MRAP2: variants seen among roughly 807,000 people sequenced by gnomAD.
The protein encoded by MRAP2 is melanocortin 2 receptor accessory protein 2.
MRAP2 carries 20 observed loss-of-function variants against 17.4 expected under a neutral mutation model. The ratio of observed to expected loss-of-function variants is 1.15; its 90% CI spans 0.81 to 1.67. MRAP2 has a LOEUF of 1.67. Ranked by LOEUF, MRAP2 falls within the 40% of genes most tolerant of loss-of-function variation. The pLI is 0.00. For synonymous variants in MRAP2, 96 were observed against 88.4 expected, an observed-to-expected ratio of 1.09 and a Z score of -0.48; for missense variants, 238 against 240.0, an observed-to-expected ratio of 0.99 and a Z score of 0.05.
intron 1 of MRAP2, chr6:84,052,892 T>TGAAA: frequency 3.4e-5 from 20 of 581,488 alleles, no homozygotes; most frequent in South Asian, 7.5e-5. Flanking sequence ...CCTTTGGTAA[T>TGAAA]GCCCTTTAGT....
chr6:84,107,635 C>T, the MRAP2 span, among the ~76,000 whole-genome samples: 1 of 151,504 alleles, frequency 6.6e-6, no homozygotes, highest in African/African-American at 2.4e-5. Context: ...TGAAGGTGTA[C>T]TGCTGGCCTT....
chr6:84,142,067 G>GA, the MRAP2 span, among the ~76,000 whole-genome samples: 3 of 151,938 alleles, frequency 2.0e-5, no homozygotes, highest in South Asian at 6.2e-4. Context: ...TGAGACTAAA[G>GA]AAAAAAAGGC....
rs79618121 is a variant in MRAP2 at position 84,076,773 on chromosome 6, G to A, written c.228-12318G>A. 8.8e-3 allele frequency among the ~76,000 whole-genome samples: 1,341 copies of A among 152,332 alleles called. 25 individuals are homozygous for A. The highest frequency in any genetic ancestry group is 0.03 in the African/African-American group (1,233 of 41,566). Reference sequence around the variant, plus strand: ...TGGGGCAAACTGAAGACAGTTGTCAGCATGCTAAGACCATTGGCACAGCAG... The same window carrying A: ...TGGGGCAAACTGAAGACAGTTGTCAACATGCTAAGACCATTGGCACAGCAG... On this transcript the variant is annotated intron_variant, in intron 3 of 3. Coordinates refer to ENST00000257776, the MANE Select transcript of MRAP2 (RefSeq NM_138409.4).
the MRAP2 span, among the ~76,000 whole-genome samples, chr6:84,101,715 A>G: frequency 6.6e-6 from 1 of 152,240 alleles, no homozygotes. Context: ...ATCCTAAAGT[A>G]GAAACTTGAT....
At chr6:84,034,515 CG>C (rs1683623604) in intron 1 of MRAP2, among the ~76,000 whole-genome samples, 1 of 146,920 alleles carries the variant, frequency 6.8e-6, no homozygotes, top group Non-Finnish European at 1.5e-5. Context: ...GCCCGCCCCG[CG>C]CCCCGTGCCC....
chr6:84,092,076 C>A (rs1270916707), downstream of MRAP2, among the ~76,000 whole-genome samples: 1 of 152,000 alleles, frequency 6.6e-6, no homozygotes, highest in African/African-American at 2.4e-5. Context: ...CCTTTTCTAT[C>A]TTCCAGGGGT....
In MRAP2 at chr6:84,067,799, A is replaced by G. The variant is rs190660850; in HGVS notation, c.227+4807A>G. ...AGATTCTGGATATTAGTCCTTTGTCAGATGTATGGATTGTGAAGATTTTCT... is the reference window on the plus strand; with the variant it reads ...AGATTCTGGATATTAGTCCTTTGTCGGATGTATGGATTGTGAAGATTTTCT... On this transcript the variant is annotated intron_variant, in intron 3 of 3. Transcript: ENST00000257776. Among the ~76,000 whole-genome samples, 542 of 147,078 alleles carry G rather than the reference A, an allele frequency of 3.7e-3. 2 individuals are homozygous for G. Among genetic ancestry groups the G allele is most frequent in the Non-Finnish European group, 6.0e-3 (402 of 67,304 alleles).
At chr6:84,114,490 G>T in the MRAP2 span, among the ~76,000 whole-genome samples, 1 of 151,950 alleles carries the variant, frequency 6.6e-6, no homozygotes, top group Non-Finnish European at 1.5e-5. Context: ...CTTTTTTCAA[G>T]GTTCTTAGCT....
intron 3 of MRAP2, among the ~76,000 whole-genome samples, chr6:84,069,290 G>A (rs2099495592): frequency 6.6e-6 from 1 of 152,010 alleles, no homozygotes; most frequent in Non-Finnish European, 1.5e-5. Flanking sequence ...ATTTTGCTGA[G>A]TTTTAATCAT....
chr6:84,063,403 A>C (rs2099493686), intron 3 of MRAP2: 1 of 985,298 alleles, frequency 1.0e-6, no homozygotes, highest in Admixed American at 6.1e-5. Flanking sequence ...TTCAAGAAGC[A>C]GAGTAATAGT....
chr6:84,112,945 T>C, the MRAP2 span, among the ~76,000 whole-genome samples: 1 of 152,244 alleles, frequency 6.6e-6, no homozygotes, highest in Non-Finnish European at 1.5e-5. Flanking sequence ...CTAATTTGAT[T>C]GCACTGTGGT....
At chr6:84,141,894 TA>T in the MRAP2 span, among the ~76,000 whole-genome samples, 2 of 151,074 alleles carry the variant, frequency 1.3e-5, no homozygotes, top group African/African-American at 4.9e-5. Context: ...AAGAAAAACT[TA>T]AAAAAAAATA....
At chr6:84,083,130 C>T (rs574501437) in intron 3 of MRAP2, among the ~76,000 whole-genome samples, 1 of 152,288 alleles carries the variant, frequency 6.6e-6, no homozygotes, top group East Asian at 1.9e-4. Context: ...CAAGTGTGCT[C>T]TCATGGCGAC....
the MRAP2 span, among the ~76,000 whole-genome samples, chr6:84,143,356 G>A: frequency 1.7e-4 from 26 of 151,994 alleles, no homozygotes; most frequent in African/African-American, 6.3e-4. Flanking sequence ...CTGCTTTGTA[G>A]TTTTCATAAG....
the MRAP2 span, among the ~76,000 whole-genome samples, chr6:84,105,430 C>T: frequency 1.3e-5 from 2 of 152,148 alleles, no homozygotes; most frequent in Non-Finnish European, 2.9e-5. Context: ...AGAGCTTGTG[C>T]AGCGGAATTC....
chr6:84,083,659 C>A (rs913935761), intron 3 of MRAP2, among the ~76,000 whole-genome samples: 3 of 152,046 alleles, frequency 2.0e-5, no homozygotes. Flanking sequence ...AAACTTAAAA[C>A]CAGCTTATTT....
chr6:84,055,220 A>G, intron 1 of MRAP2, 92 bp from the exon 2 acceptor site: 1 of 1,469,492 alleles, frequency 6.8e-7, no homozygotes, highest in Non-Finnish European at 9.1e-7. Context: ...GTTTGCTGCC[A>G]AACTCCTGAA....
chr6:84,125,175 G>T, the MRAP2 span: 1 of 1,613,466 alleles, frequency 6.2e-7, no homozygotes, highest in African/African-American at 1.3e-5. Context: ...GTTCTGTGCG[G>T]AACTTCTCCA....
At chr6:84,079,288 C>A (rs2099498377) in intron 3 of MRAP2, among the ~76,000 whole-genome samples, 1 of 152,018 alleles carries the variant, frequency 6.6e-6, no homozygotes, top group South Asian at 2.1e-4. Context: ...GCAAAAGAAC[C>A]CAAGCACAAA....
Sources: gnomAD v4.1 joint callset for allele counts (sites outside exome capture counted in the v4.1 genomes callset) on GRCh38, gnomAD v4.1.1 for gene constraint, MANE v1.5 for transcripts, NCBI Gene and HGNC (gene_info 2026-07-23, HGNC 2026-07-21) for gene names.